The following FANCI variants were observed in gnomAD, a reference collection of about 807,000 sequenced individuals.
FANCI encodes the protein FA complementation group I.
In FANCI, 156 loss-of-function variants were observed where a neutral mutation model predicts 176.1. The observed-to-expected ratio is 0.89, with a 90% CI of 0.78 to 1.01. The LOEUF is 1.01. Among genes scored for constraint, FANCI ranks in the 50% least tolerant of loss-of-function variants. The pLI is 0.00. For missense variants in FANCI, 1,678 were observed against 1,534.1 expected, an observed-to-expected ratio of 1.09 and a Z score of -1.57; for synonymous variants, 613 against 541.7, an observed-to-expected ratio of 1.13 and a Z score of -1.83.
At chr15:89,279,675 TC>T (rs1045712146) in intron 14 of FANCI, among the ~76,000 whole-genome samples, 2 of 152,206 alleles carry the variant, frequency 1.3e-5, no homozygotes, top group African/African-American at 4.8e-5. Context: ...AAACAAATTT[TC>T]CTTTTCATTG....
intron 19 of FANCI, among the ~76,000 whole-genome samples, chr15:89,290,749 C>T (rs1172333896): frequency 6.6e-6 from 1 of 152,122 alleles, no homozygotes; most frequent in African/African-American, 2.4e-5. Flanking sequence ...TAGAAGAATT[C>T]ATATAGAGAC....
At position 89,274,312 on chromosome 15, in the gene FANCI, G is replaced by C. The variant is rs761741904; in HGVS notation, c.1112+8G>C. 32 of 1,613,042 alleles carry C rather than the reference G, an allele frequency of 2.0e-5. No individual in the cohort carries two copies. In the Admixed American group the frequency reaches 5.3e-4, roughly 27 times the overall value. The stretch of plus-strand genomic sequence containing the variant: ...GGAAGTAGTGAAGAATAGGTAAGTT[G>C]GTGAACCATATCTCAAAAGGTTTAT... On this transcript the variant is annotated splice_region_variant and intron_variant, in intron 12 of 37. Transcript: ENST00000310775.
chr15:89,266,665 G>A (rs562376667), intron 9 of FANCI, among the ~76,000 whole-genome samples: 11 of 144,236 alleles, frequency 7.6e-5, no homozygotes, highest in African/African-American at 2.6e-4. Flanking sequence ...TTCTAGAGAT[G>A]GTCTCACTGT....
chr15:89,290,024 T>A (rs531724032), intron 18 of FANCI, among the ~76,000 whole-genome samples, 189 bp from the exon 19 acceptor site: 1 of 152,300 alleles, frequency 6.6e-6, no homozygotes, highest in South Asian at 2.1e-4. Flanking sequence ...AGTTCTTAAC[T>A]AAGACTAGGA....
intron 18 of FANCI, among the ~76,000 whole-genome samples, chr15:89,287,164 G>A (rs1040865855): frequency 3.9e-5 from 6 of 152,068 alleles, no homozygotes; most frequent in South Asian, 2.1e-4. Flanking sequence ...AGTAGAGACT[G>A]GGGTTTCACC....
chr15:89,308,402 G>A (rs1242781591), intron 34 of FANCI, among the ~76,000 whole-genome samples: 2 of 152,138 alleles, frequency 1.3e-5, no homozygotes, highest in Non-Finnish European at 2.9e-5. Flanking sequence ...GTCTCCTAAG[G>A]CCACTTAGTC....
chr15:89,313,056 C>A, intron 35 of FANCI, 84 bp downstream of exon 35: 3 of 1,273,386 alleles, frequency 2.4e-6, no homozygotes, highest in South Asian at 2.4e-5. Flanking sequence ...ACAAAAAGAC[C>A]ACGTGTTGTA....
intron 3 of FANCI, chr15:89,259,097 C>G (rs2052614239): frequency 3.0e-6 from 1 of 336,550 alleles, no homozygotes; most frequent in Non-Finnish European, 5.7e-6. Context: ...ATACATAATC[C>G]ATGCTTAGCA....
In FANCI at chr15:89,252,189, A is replaced by C. The variant is rs187075592; in HGVS notation, c.84+4458A>C. Among the ~76,000 whole-genome samples, 975 of 151,544 alleles carry C rather than the reference A, an allele frequency of 6.4e-3. 7 individuals carry two copies. The highest frequency in any genetic ancestry group is 0.02 in the South Asian group (96 of 4,776). The stretch of plus-strand genomic sequence containing the variant: ...GTGGTGTGTGCCTGTAATCCCAGCT[A>C]CTCGGGAGGCTGAGGCAGAAGAATC... On this transcript the variant is annotated intron_variant, in intron 2 of 37. Transcript: ENST00000310775.
At chr15:89,281,090 C>T (rs1332961213) in intron 14 of FANCI, 80 bp from the exon 15 acceptor site, 2 of 1,448,326 alleles carry the variant, frequency 1.4e-6, no homozygotes, top group East Asian at 2.3e-5. Context: ...AAAGACTTCA[C>T]ATTTCTTTCT....
chr15:89,316,684 T>C lies in FANCI; in HGVS notation c.*225T>C. On this transcript the variant is annotated 3_prime_UTR_variant, in exon 38 of 38. Coordinates refer to ENST00000310775, the MANE Select transcript of FANCI (RefSeq NM_001113378.2). ...TTTGCAAAAAGCACAGCTGAAAGCC[T>C]GAGTTTGGGAGCCTGCACCACCCCG... 7.3e-7 allele frequency: 1 copy of C among 1,371,414 alleles called. No homozygotes were observed. Among genetic ancestry groups the C allele is most frequent in the Non-Finnish European group, 1.0e-6 (1 of 964,190 alleles). The allele number at this position is 1,371,414 out of a possible 1,614,324, so 85.0% of individuals were successfully genotyped here. A position where few individuals can be genotyped will look rare whatever the true frequency, so the allele number is the denominator to read the frequency against.
intron 2 of FANCI, 22 bp downstream of exon 2, chr15:89,247,753 C>T (rs764455883): frequency 1.2e-6 from 2 of 1,603,740 alleles, no homozygotes; most frequent in African/African-American, 1.3e-5. Flanking sequence ...GAAGCATGTT[C>T]TGCTAAAAGT....
chr15:89,315,317 A>G lies in FANCI; in HGVS notation c.3852A>G (p.Ser1284=). The change falls in exon 37 of 38, where the codon TCA becomes TCG. Residue 1284 remains serine (S), a synonymous_variant. Transcript: ENST00000310775. The part of the protein sequence containing the change: ...NLMQHMKLST[S]RDFKIKGNIL... The stretch of plus-strand genomic sequence containing the variant: ...TGCAGCACATGAAGCTCAGCACCTC[A>G]CGAGACTTCAAGATCAAAGGAAACA... 3.7e-6 allele frequency: 6 copies of G among 1,614,044 alleles called. No individual in the cohort carries two copies. Among genetic ancestry groups the G allele is most frequent in the Non-Finnish European group, 5.1e-6 (6 of 1,179,870 alleles).
rs1162258883 is a variant in FANCI, at chr15:89,274,252, G to C, written c.1060G>C (p.Val354Leu). 11 of 1,612,734 alleles carry C rather than the reference G, an allele frequency of 6.8e-6. No homozygotes were observed. The highest frequency in any genetic ancestry group is 9.3e-6 in the Non-Finnish European group (11 of 1,179,432). ...AGGCTCAAAATTTCTTCAGAATCTA[G>C]TTCCTCATAGATCTTATGTTTCAAC... ...LQGSKFLQNLVPHRSYVSTMI... is the reference protein window; with the variant it reads ...LQGSKFLQNLLPHRSYVSTMI... The change falls in exon 12 of 38, where the codon GTT becomes CTT. Residue 354 changes from valine (V) to leucine (L), a missense_variant. Val to Leu is a conservative substitution (Grantham distance 32). Around this residue, in one of 3 missense-constraint regions of FANCI, gnomAD observed 469 missense variants for 436.9 expected, o/e 1.07. Coordinates refer to ENST00000310775, the MANE Select transcript of FANCI (RefSeq NM_001113378.2).
chr15:89,306,683 C>T (rs772890675), intron 32 of FANCI, among the ~76,000 whole-genome samples: 10 of 152,016 alleles, frequency 6.6e-5, no homozygotes, highest in Non-Finnish European at 8.8e-5. Context: ...TAGAGTGAGA[C>T]TCCATCTCAA....
intron 3 of FANCI, 21 bp from the exon 4 acceptor site, chr15:89,260,692 C>G (rs374183764): frequency 2.1e-4 from 339 of 1,610,706 alleles, no homozygotes; most frequent in Middle Eastern, 5.0e-4. Flanking sequence ...TGTTTCTGAA[C>G]CCCCTGTTTA....
chr15:89,293,694 A>G, intron 22 of FANCI, 139 bp from the exon 23 acceptor site: 2 of 935,982 alleles, frequency 2.1e-6, no homozygotes, highest in Non-Finnish European at 3.3e-6. Flanking sequence ...GGAGTATTAT[A>G]TTAATGAAGT....
chr15:89,311,500 C>G (rs895721652), intron 34 of FANCI, among the ~76,000 whole-genome samples: 4 of 151,308 alleles, frequency 2.6e-5, no homozygotes, highest in Non-Finnish European at 5.9e-5. Context: ...CAGGGTTGAT[C>G]TAAGGAGTTC....
intron 16 of FANCI, 43 bp downstream of exon 16, chr15:89,281,878 A>T: frequency 6.4e-7 from 1 of 1,556,574 alleles, no homozygotes; most frequent in Non-Finnish European, 8.9e-7. Flanking sequence ...GTTGTCTTCT[A>T]ATGTTGGAGC....
Sources: gnomAD v4.1 joint callset for allele counts (sites outside exome capture counted in the v4.1 genomes callset) on GRCh38, gnomAD v4.1.1 for gene constraint, gnomAD v4.1.1 regional missense constraint, MANE v1.5 for transcripts, NCBI Gene and HGNC (gene_info 2026-07-23, HGNC 2026-07-21) for gene names.